HSP90AA1: variants seen among roughly 807,000 people sequenced by gnomAD.
HSP90AA1 encodes the protein heat shock protein 90 alpha family class A member 1, also known as heat shock protein HSP 90-alpha.
HSP90AA1 carries 18 observed loss-of-function variants against 73.3 expected under a neutral mutation model. The observed-to-expected ratio is 0.25, with a 90% CI of 0.17 to 0.36. The LOEUF (loss-of-function observed/expected upper bound fraction) is 0.36, where lower values mean the gene tolerates loss of function less well. Among genes scored for constraint, HSP90AA1 ranks in the 10% least tolerant of loss-of-function variants. HSP90AA1 has a pLI of 1.00. For missense variants in HSP90AA1, 704 were observed against 874.2 expected, an observed-to-expected ratio of 0.81 and a Z score of 2.45; for synonymous variants, 477 against 296.9, an observed-to-expected ratio of 1.61 and a Z score of -6.24.
At chr14:102,128,732 C>T (rs1365889861) in intron 1 of HSP90AA1, among the ~76,000 whole-genome samples, 1 of 151,442 alleles carries the variant, frequency 6.6e-6, no homozygotes, top group Non-Finnish European at 1.5e-5. Flanking sequence ...ACCCAGGAGG[C>T]GGAGGTTACA....
At chr14:102,091,930 G>A (rs904604561), upstream of HSP90AA1, among the ~76,000 whole-genome samples, 1 of 151,680 alleles carries the variant, frequency 6.6e-6, no homozygotes, top group Non-Finnish European at 1.5e-5. Context: ...ACTGCCCTTG[G>A]CTCATTCATT....
At position 102,083,144 on chromosome 14, in the gene HSP90AA1, G is replaced by A. The variant is rs140941217; in HGVS notation, c.1645C>T (p.Leu549=). 1.2e-4 allele frequency: 188 copies of A among 1,613,728 alleles called. No homozygotes were observed. The highest frequency in any genetic ancestry group is 1.5e-4 in the Non-Finnish European group (177 of 1,179,920). The change falls in exon 9 of 11, where the codon CTG becomes TTG. Residue 549 remains leucine (L), a synonymous_variant. Coordinates refer to ENST00000216281, the MANE Select transcript of HSP90AA1 (RefSeq NM_005348.4). The part of the protein sequence containing the change: ...KTLVSVTKEG[L]ELPEDEEEKK... ...TCTTCTTCATCCTCTGGAAGTTCCA[G>A]GCCTTCTTTGGTGACTGACACTAAA...
At chr14:102,089,503 C>A (rs2049323848), upstream of HSP90AA1, among the ~76,000 whole-genome samples, 1 of 152,242 alleles carries the variant, frequency 6.6e-6, no homozygotes, top group South Asian at 2.1e-4. Context: ...AACACGCCAG[C>A]CCCTGGCTGT....
chr14:102,084,860 C>T lies in HSP90AA1; in HGVS notation c.802G>A (p.Glu268Lys), dbSNP rs2152611804. 1.3e-6 allele frequency: 2 copies of T among 1,579,994 alleles called. No homozygotes were observed. The highest frequency in any genetic ancestry group is 1.1e-5 in the South Asian group (1 of 90,326). Residue 268 changes from glutamate to lysine, a missense_variant, in exon 5 of 11, where the codon GAA becomes AAA. Transcript: ENST00000216281. ...IEDVGSDEEE[E>K]KKDGDKKKKK... ...TTCTTCTTGTCACCATCCTTCTTTTCTTCTTCCTCATCAGAACCAACATCT... is the reference window on the plus strand; with the variant it reads ...TTCTTCTTGTCACCATCCTTCTTTTTTTCTTCCTCATCAGAACCAACATCT...
At position 102,086,382 on chromosome 14, in the gene HSP90AA1, G is replaced by C. The variant is rs753204432; in HGVS notation, c.1-4C>G. 2.5e-6 allele frequency: 4 copies of C among 1,614,056 alleles called. No individual in the cohort carries two copies. In the South Asian group the frequency reaches 4.4e-5, roughly 18 times the overall value. On this transcript the variant is annotated splice_polypyrimidine_tract_variant and splice_region_variant and intron_variant, in intron 1 of 10. Transcript: ENST00000216281. ...GGGTCTGGGTTTCCTCAGGCATCTG[G>C]AACGACACCGCGCCGGTTTAAAACC...
At chr14:102,135,971 G>A (rs1412343403) in intron 1 of HSP90AA1, among the ~76,000 whole-genome samples, 1 of 152,236 alleles carries the variant, frequency 6.6e-6, no homozygotes, top group African/African-American at 2.4e-5. Context: ...AGTGCAGTGG[G>A]GGGCTGAAGG....
chr14:102,128,630 G>GAA (rs34691938), intron 1 of HSP90AA1, among the ~76,000 whole-genome samples: 6,733 of 106,856 alleles, frequency 0.063, 318 homozygotes, highest in Non-Finnish European at 0.092. Context: ...CTCCGTCTCG[G>GAA]AAAAAAAAAA....
intron 1 of HSP90AA1, among the ~76,000 whole-genome samples, chr14:102,132,557 GA>G (rs1426942900): frequency 6.6e-6 from 1 of 151,756 alleles, no homozygotes; most frequent in East Asian, 1.9e-4. Flanking sequence ...CTAAAAAAAG[GA>G]AAAAGAAAAA....
Position 102,083,317 on chromosome 14 carries a change from A to C in HSP90AA1, c.1487-15T>G, listed in dbSNP as rs1199030752. 3 of 1,613,816 alleles carry C rather than the reference A, an allele frequency of 1.9e-6. No individual in the cohort carries two copies. In the African/African-American group the frequency reaches 4.0e-5, roughly 22 times the overall value. ...CTTGGTCTCACCTGAGGTATTACAAAGTTACTTTTAGACCTTTTAACAGTT... is the reference window on the plus strand; with the variant it reads ...CTTGGTCTCACCTGAGGTATTACAACGTTACTTTTAGACCTTTTAACAGTT... On this transcript the variant is annotated splice_polypyrimidine_tract_variant and intron_variant, in intron 8 of 10. Transcript: ENST00000216281.
At chr14:102,101,816 G>T in intron 2 of HSP90AA1, 1 of 1,431,180 alleles carries the variant, frequency 7.0e-7, no homozygotes, top group Non-Finnish European at 9.8e-7. Context: ...TGGTTGGATG[G>T]ATGGTTAACA....
rs763790560 is a variant in HSP90AA1, at chr14:102,086,050, G to A, written c.237C>T (p.Asn79=). 44 of 1,613,754 alleles carry A rather than the reference G, an allele frequency of 2.7e-5. No individual in the cohort carries two copies. Among genetic ancestry groups the A allele is most frequent in the Admixed American group, 1.2e-4 (7 of 59,988 alleles). Residue 79 remains asparagine, a synonymous_variant, in exon 3 of 11, where the codon AAC becomes AAT. Coordinates refer to ENST00000216281, the MANE Select transcript of HSP90AA1 (RefSeq NM_005348.4). ...TTCGATCTTGTTTGTTCGGTATAAG[G>A]TTAATATGCAGCTCTTTCCCAGAGT... ...KLDSGKELHI[N]LIPNKQDRTL...
At chr14:102,083,443 A>T (rs1595655434) in intron 8 of HSP90AA1, 103 bp downstream of exon 8, 1 of 1,416,592 alleles carries the variant, frequency 7.1e-7, no homozygotes, top group Middle Eastern at 1.8e-4. Context: ...TCTTGCCTAG[A>T]TCAATACCAG....
chr14:102,121,845 T>C (rs2049782016), intron 1 of HSP90AA1, among the ~76,000 whole-genome samples: 1 of 152,192 alleles, frequency 6.6e-6, no homozygotes, highest in African/African-American at 2.4e-5. Context: ...CTGGGTTTTC[T>C]TTCTAATTGC....
chr14:102,135,688 C>T (rs1333110828), intron 1 of HSP90AA1, among the ~76,000 whole-genome samples: 3 of 152,256 alleles, frequency 2.0e-5, no homozygotes, highest in African/African-American at 7.2e-5. Flanking sequence ...GGCGAGAAAT[C>T]GAGCACAGCG....
In HSP90AA1 at chr14:102,082,379, T is replaced by C. The variant is rs765505233; in HGVS notation, c.1821A>G (p.Thr607=). Residue 607 remains threonine, a synonymous_variant, in exon 10 of 11, where the codon ACA becomes ACG. Transcript: ENST00000216281. ...CTTTCATGATTCTCTCCATGTTTGC[T>C]GTCCAGCCATATGTGCTTGTGACAA... ...CCIVTSTYGW[T]ANMERIMKAQ... is the part of the protein sequence containing the mutation. The C allele has an allele frequency of 6.8e-6, 11 of 1,614,040 alleles. No individual in the cohort carries two copies. In the Admixed American group the frequency reaches 8.3e-5, roughly 12 times the overall value.
intron 1 of HSP90AA1, among the ~76,000 whole-genome samples, chr14:102,137,815 G>A (rs1406304719): frequency 1.3e-5 from 2 of 151,812 alleles, no homozygotes; most frequent in Non-Finnish European, 2.9e-5. Flanking sequence ...AAGAGATCAA[G>A]ACCATCCTGG....
chr14:102,121,026 C>CACAT lies in HSP90AA1; in HGVS notation c.155+18223_155+18224insATGT, dbSNP rs1555364019. 4.8e-3 allele frequency among the ~76,000 whole-genome samples: 698 copies of CACAT among 144,074 alleles called. 3 individuals carry two copies. The highest frequency in any genetic ancestry group is 0.016 in the African/African-American group (623 of 39,320). 94.5% of individuals were successfully genotyped at this position (144,074 alleles called of 152,430 possible). A position where few individuals can be genotyped will look rare whatever the true frequency, so the allele number is the denominator to read the frequency against. On this transcript the variant is annotated intron_variant, in intron 1 of 11. Coordinates refer to the HSP90AA1 transcript ENST00000334701. ...ACACACACACACACACACACATACA[C>CACAT]ACACACACACACACACGTAAAGTTG... is the stretch of plus-strand genomic sequence containing the variant.
chr14:102,082,049 C>T (rs2049112134), intron 10 of HSP90AA1, 62 bp downstream of exon 10: 2 of 1,169,644 alleles, frequency 1.7e-6, no homozygotes, highest in East Asian at 4.8e-5. Flanking sequence ...TGAAAGTTCA[C>T]CATTTTCTTC....
chr14:102,105,656 TG>T (rs2049557942), intron 1 of HSP90AA1, among the ~76,000 whole-genome samples: 1 of 152,094 alleles, frequency 6.6e-6, no homozygotes, highest in Non-Finnish European at 1.5e-5. Context: ...TGCCTGCCAG[TG>T]GGGAGTGTGT....
Sources: allele counts gnomAD v4.1 joint callset (sites outside exome capture counted in the v4.1 genomes callset), GRCh38; gene constraint gnomAD v4.1.1; transcripts MANE v1.5; gene names NCBI Gene and HGNC (gene_info 2026-07-23, HGNC 2026-07-21).